The following SEMA4A variants were observed in gnomAD, a reference collection of about 807,000 sequenced individuals.
The protein encoded by SEMA4A is semaphorin 4A, also known as semaphorin-4A.
In SEMA4A, 52 loss-of-function variants were observed where a neutral mutation model predicts 72.5. That is an observed-to-expected ratio of 0.72 (90% confidence interval 0.57 to 0.90). SEMA4A has a LOEUF of 0.90. Ranked by LOEUF, SEMA4A falls within the 40% of genes least tolerant of loss-of-function variation. The pLI is 0.00. For missense variants in SEMA4A, 926 were observed against 959.7 expected, an observed-to-expected ratio of 0.96 and a Z score of 0.46; for synonymous variants, 369 against 393.1, an observed-to-expected ratio of 0.94 and a Z score of 0.73.
Position 156,174,828 on chromosome 1 carries a change from G to C in SEMA4A, c.1322G>C (p.Gly441Ala). Residue 441 changes from glycine (G) to alanine (A), a missense_variant, in exon 12 of 15, where the codon GGG (glycine) becomes GCG (alanine). By Grantham distance (60) the Gly-to-Ala change is moderately conservative (BLOSUM62 0). Transcript: ENST00000368285. ...HLVMYLGTTTGSLHKAVVSGD... is the reference protein window; with the variant it reads ...HLVMYLGTTTASLHKAVVSGD... The stretch of plus-strand genomic sequence containing the variant: ...TCTCTCTGTCTCCCCATAGCCACAG[G>C]GTCGCTCCACAAGGCTGTGGTAAGT... 1 of 1,614,174 alleles carries C rather than the reference G, an allele frequency of 6.2e-7. No homozygotes were observed. Among genetic ancestry groups the C allele is most frequent in the Non-Finnish European group, 8.5e-7 (1 of 1,180,022 alleles).
At chr1:156,164,390 C>A (rs985834012) in intron 10 of SEMA4A, among the ~76,000 whole-genome samples, 1 of 152,198 alleles carries the variant, frequency 6.6e-6, no homozygotes, top group African/African-American at 2.4e-5. Context: ...CCCCAACCCC[C>A]ACCTCCACCC....
chr1:156,158,694 C>T (rs1429326533), intron 5 of SEMA4A, 25 bp from the exon 6 acceptor site: 13 of 1,569,850 alleles, frequency 8.3e-6, no homozygotes, highest in Non-Finnish European at 1.1e-5. Flanking sequence ...GGCGTTCTGG[C>T]CCCCCAGCCT....
chr1:156,169,569 G>A (rs1246681686), intron 10 of SEMA4A, among the ~76,000 whole-genome samples: 3 of 150,120 alleles, frequency 2.0e-5, no homozygotes, highest in Admixed American at 6.6e-5. Flanking sequence ...ACAGGCGCCC[G>A]CCACCATGCC....
intron 5 of SEMA4A, 50 bp downstream of exon 5, chr1:156,158,536 A>G (rs1653264987): frequency 6.8e-7 from 1 of 1,469,700 alleles, no homozygotes; most frequent in Non-Finnish European, 9.5e-7. Flanking sequence ...CCCTTCTCAC[A>G]TCTACCCACG....
Position 156,175,205 on chromosome 1 carries a change from T to C in SEMA4A, c.1554T>C (p.Pro518=). Residue 518 remains proline, a synonymous_variant, in exon 13 of 15, where the codon CCT becomes CCC. Transcript: ENST00000368285. ...LARDPHCAWD[P]ESRTCCLLSA... is the part of the protein sequence containing the mutation. ...GGGACCCCCACTGTGCCTGGGACCC[T>C]GAGTCCCGAACCTGTTGCCTCCTGT... The C allele has an allele frequency of 1.2e-6, 2 of 1,613,858 alleles. No homozygotes were observed. The highest frequency in any genetic ancestry group is 1.7e-6 in the Non-Finnish European group (2 of 1,179,802).
chr1:156,154,853 C>G, intron 2 of SEMA4A, 136 bp downstream of exon 2: 1 of 1,085,768 alleles, frequency 9.2e-7, no homozygotes, highest in South Asian at 1.5e-5. Context: ...CAGGGAGAAA[C>G]AGAGGATCTC....
rs1655243734 is a variant in SEMA4A at position 156,175,574 on chromosome 1, C to T, written c.1611C>T (p.Asp537=). ...CTCTTAGGAACTCCTGGAAGCAGGA[C>T]ATGGAGCGGGGGAACCCAGAGTGGG... ...SAPNLNSWKQ[D]MERGNPEWAC... The change falls in exon 14 of 15, where the codon GAC becomes GAT. Residue 537 remains aspartate, a synonymous_variant. Coordinates refer to ENST00000368285, the MANE Select transcript of SEMA4A (RefSeq NM_022367.4). 1 of 1,613,598 alleles carries T rather than the reference C, an allele frequency of 6.2e-7. No individual in the cohort carries two copies. Among genetic ancestry groups the T allele is most frequent in the African/African-American group, 1.3e-5 (1 of 75,046 alleles).
intron 10 of SEMA4A, among the ~76,000 whole-genome samples, chr1:156,165,907 C>CTTTTTTTTTTTTT (rs71080751): frequency 8.9e-6 from 1 of 112,948 alleles, no homozygotes; most frequent in African/African-American, 3.6e-5. Flanking sequence ...TTCCTATCTT[C>CTTTTTTTTTTTTT]TTTTTTTTTT....
At chr1:156,169,460 C>T (rs1654497403) in intron 10 of SEMA4A, among the ~76,000 whole-genome samples, 1 of 132,626 alleles carries the variant, frequency 7.5e-6, no homozygotes, top group Non-Finnish European at 1.5e-5. Flanking sequence ...CGCTCAGTTG[C>T]CCAGGCTGGA....
chr1:156,166,793 G>A (rs571097844), intron 10 of SEMA4A, among the ~76,000 whole-genome samples: 16 of 152,050 alleles, frequency 1.1e-4, no homozygotes, highest in Non-Finnish European at 2.2e-4. Context: ...GCCAGGCGTG[G>A]TGGCACACAC....
At chr1:156,159,305 G>T (rs1039556654) in intron 6 of SEMA4A, among the ~76,000 whole-genome samples, 1 of 152,138 alleles carries the variant, frequency 6.6e-6, no homozygotes, top group Non-Finnish European at 1.5e-5. Flanking sequence ...CTGCACTCCA[G>T]CCTGCGCAAC....
chr1:156,167,888 T>G (rs1654323445), intron 10 of SEMA4A, among the ~76,000 whole-genome samples: 1 of 151,230 alleles, frequency 6.6e-6, no homozygotes, highest in Non-Finnish European at 1.5e-5. Flanking sequence ...TCTTTCTGAT[T>G]CATTTCTGTT....
chr1:156,163,130 C>T, intron 10 of SEMA4A, 36 bp downstream of exon 10: 1 of 1,611,838 alleles, frequency 6.2e-7, no homozygotes, highest in Non-Finnish European at 8.5e-7. Flanking sequence ...ACAGTCTACA[C>T]ATACATAATG....
At chr1:156,166,853 C>G (rs1033040749) in intron 10 of SEMA4A, among the ~76,000 whole-genome samples, 1 of 151,924 alleles carries the variant, frequency 6.6e-6, no homozygotes, top group Non-Finnish European at 1.5e-5. Flanking sequence ...CTCTTGAACC[C>G]AGGAGGTGGA....
At chr1:156,175,713 A>G (rs1655263220) in intron 14 of SEMA4A, 57 bp downstream of exon 14, 4 of 1,261,916 alleles carry the variant, frequency 3.2e-6, no homozygotes, top group Non-Finnish European at 4.5e-6. Context: ...ACTTTTGGGC[A>G]GGGGTGGGCA....
intron 10 of SEMA4A, among the ~76,000 whole-genome samples, chr1:156,172,481 G>C (rs1223705552): frequency 6.6e-6 from 1 of 152,204 alleles, no homozygotes; most frequent in East Asian, 1.9e-4. Flanking sequence ...AGGCCTCCTT[G>C]CTGGAGGTGC....
Position 156,160,588 on chromosome 1 carries a change from T to C in SEMA4A, c.685+29T>C, listed in dbSNP as rs1024379954. On this transcript the variant is annotated intron_variant, in intron 7 of 14. Coordinates refer to ENST00000368285, the MANE Select transcript of SEMA4A (RefSeq NM_022367.4). Reference sequence around the variant, plus strand: ...AGGACCTGACCCCCGCTGGCCTCCTTTCCTGAGTCCTGGTGACCTTGCTAA... The same window carrying C: ...AGGACCTGACCCCCGCTGGCCTCCTCTCCTGAGTCCTGGTGACCTTGCTAA... 2.5e-6 allele frequency: 4 copies of C among 1,574,026 alleles called. No individual in the cohort carries two copies. In the Admixed American group the frequency reaches 6.7e-5, roughly 26 times the overall value.
intron 2 of SEMA4A, 82 bp from the exon 3 acceptor site, chr1:156,156,326 ACCCTTC>A: frequency 7.6e-7 from 1 of 1,318,950 alleles, no homozygotes; most frequent in Non-Finnish European, 1.1e-6. Context: ...CACTCAGGCA[ACCCTTC>A]CCCTTCCCCC....
chr1:156,165,436 G>A (rs1654065798), intron 10 of SEMA4A, among the ~76,000 whole-genome samples: 1 of 151,988 alleles, frequency 6.6e-6, no homozygotes, highest in Admixed American at 6.6e-5. Context: ...TACATGGCAG[G>A]TAAAACATTT....
Sources: allele counts gnomAD v4.1 joint callset (sites outside exome capture counted in the v4.1 genomes callset), GRCh38; gene constraint gnomAD v4.1.1; transcripts MANE v1.5; gene names NCBI Gene and HGNC (gene_info 2026-07-23, HGNC 2026-07-21).